The following NXPE1 variants were observed in gnomAD, a reference collection of about 807,000 sequenced individuals.
NXPE1 encodes NXPE family member 1.
NXPE1 carries 31 observed loss-of-function variants against 33.3 expected under a neutral mutation model. That is an observed-to-expected ratio of 0.93 (90% confidence interval 0.70 to 1.26). The LOEUF (loss-of-function observed/expected upper bound fraction) is 1.26. NXPE1 is among the 50% of genes most tolerant of loss of function. The probability of loss-of-function intolerance (pLI) is 0.00; values close to 1 mark genes in which losing one functional copy is unlikely to be tolerated. For missense variants in NXPE1, 661 were observed against 655.6 expected (o/e 1.01, Z -0.09); for synonymous variants, 229 against 231.4 (o/e 0.99, Z 0.09).
chr11:114,546,853 G>A lies in NXPE1; in HGVS notation c.99+4250C>T, dbSNP rs190338664. ...AAACAAAGGAACACAGGAACCAATG[G>A]AAAGAGCTCTCAATGGCCAAAGTAG... On this transcript the variant is annotated intron_variant, in intron 5 of 8. Transcript: ENST00000534921. 2.8e-3 allele frequency among the ~76,000 whole-genome samples: 433 copies of A among 152,274 alleles called. 5 individuals carry two copies. Among genetic ancestry groups the A allele is most frequent in the African/African-American group, 9.4e-3 (389 of 41,554 alleles).
At chr11:114,524,878 A>G (rs1010189825) in intron 7 of NXPE1, among the ~76,000 whole-genome samples, 2 of 152,212 alleles carry the variant, frequency 1.3e-5, no homozygotes, top group African/African-American at 4.8e-5. Flanking sequence ...GGGTAATAAT[A>G]TCAGGATTCT....
intron 5 of NXPE1, among the ~76,000 whole-genome samples, chr11:114,541,393 G>A (rs1260432461): frequency 1.3e-5 from 2 of 152,226 alleles, no homozygotes; most frequent in Admixed American, 6.5e-5. Flanking sequence ...ATGTTGTAAT[G>A]AATGGAAAGA....
chr11:114,521,594 T>A (rs1947212547), downstream of NXPE1: 1 of 172,742 alleles, frequency 5.8e-6, no homozygotes, highest in Non-Finnish European at 1.2e-5. Context: ...TCGGAGTGAT[T>A]ATTGCTAATG....
rs1947548787 is a variant in NXPE1 at position 114,530,725 on chromosome 11, TG to T, written c.282del (p.Thr95ProfsTer30). 2.5e-6 allele frequency: 4 copies of T among 1,614,046 alleles called. No individual in the cohort carries two copies. In the African/African-American group the frequency reaches 5.3e-5, roughly 22 times the overall value. Reference sequence around the variant, plus strand: ...GCTGTGCTGTGTGTGGCACTGGTGGTGGTGTTCACATGGGTGAAAGGTCTGG... The same window carrying T: ...GCTGTGCTGTGTGTGGCACTGGTGGTGTGTTCACATGGGTGAAAGGTCTGG... On this transcript the variant is annotated frameshift_variant, in exon 6 of 9. Coordinates refer to ENST00000534921, the Ensembl canonical transcript of NXPE1. LOFTEE classifies it high-confidence loss of function.
At position 114,546,936 on chromosome 11, in the gene NXPE1, A is replaced by T. The variant is rs141742486; in HGVS notation, c.99+4167T>A. Among the ~76,000 whole-genome samples, 836 of 152,318 alleles carry T rather than the reference A, an allele frequency of 5.5e-3. 10 individuals are homozygous for T. The highest frequency in any genetic ancestry group is 0.018 in the African/African-American group (759 of 41,562). On this transcript the variant is annotated intron_variant, in intron 5 of 8. Coordinates refer to ENST00000534921, the Ensembl canonical transcript of NXPE1. The stretch of plus-strand genomic sequence containing the variant: ...GATTATGTCCCAAAGTATGAAATAA[A>T]TATCTATGAATTCACACTGATGTAA...
intron 5 of NXPE1, among the ~76,000 whole-genome samples, chr11:114,542,628 G>A (rs1948138935): frequency 6.6e-6 from 1 of 152,102 alleles, no homozygotes; most frequent in African/African-American, 2.4e-5. Flanking sequence ...GTTATTAACT[G>A]AAGTAAAAGG....
chr11:114,537,082 GT>G (rs1947858506), intron 5 of NXPE1, among the ~76,000 whole-genome samples: 1 of 152,058 alleles, frequency 6.6e-6, no homozygotes, highest in South Asian at 2.1e-4. Context: ...CTTATCCACC[GT>G]GATCAAATGG....
chr11:114,529,845 T>A lies in NXPE1; in HGVS notation c.833+330A>T, dbSNP rs868582967. 1.6e-5 allele frequency: 4 copies of A among 255,836 alleles called. 1 individual carries two copies. The highest frequency in any genetic ancestry group is 2.6e-3 in the Middle Eastern group (2 of 764). 15.8% of individuals were successfully genotyped at this position (255,836 alleles called of 1,614,324 possible). Reference sequence around the variant, plus strand: ...GGGGGGAAATGGATCAACGCAAAGATATTTAAGGGGCAAAATTAACAAAAT... The same window carrying A: ...GGGGGGAAATGGATCAACGCAAAGAAATTTAAGGGGCAAAATTAACAAAAT... On this transcript the variant is annotated intron_variant, in intron 6 of 8. Transcript: ENST00000534921.
chr11:114,523,673 C>T (rs1947283690), intron 7 of NXPE1, among the ~76,000 whole-genome samples: 1 of 152,162 alleles, frequency 6.6e-6, no homozygotes, highest in South Asian at 2.1e-4. Flanking sequence ...GGAAGTTTCA[C>T]TAGAGTTTCA....
At chr11:114,549,467 A>C (rs1237452123) in intron 5 of NXPE1, among the ~76,000 whole-genome samples, 1 of 152,186 alleles carries the variant, frequency 6.6e-6, no homozygotes, top group East Asian at 1.9e-4. Context: ...AATTCTTCAC[A>C]TTAATACAGC....
At chr11:114,533,386 A>T (rs968694558) in intron 5 of NXPE1, among the ~76,000 whole-genome samples, 1 of 152,196 alleles carries the variant, frequency 6.6e-6, no homozygotes, top group Admixed American at 6.5e-5. Context: ...TGATTTCTGA[A>T]TTTCCAACTG....
intron 5 of NXPE1, among the ~76,000 whole-genome samples, chr11:114,549,800 A>T (rs1019587760): frequency 6.6e-6 from 1 of 152,124 alleles, no homozygotes; most frequent in East Asian, 1.9e-4. Context: ...CTTTATTTTC[A>T]GATGCAATTG....
chr11:114,559,069 GAAAT>G (rs1255542069), intron 1 of NXPE1, among the ~76,000 whole-genome samples: 4 of 152,056 alleles, frequency 2.6e-5, no homozygotes, highest in African/African-American at 9.7e-5. Context: ...AGTGAAGAAA[GAAAT>G]AAACATAAAT....
intron 5 of NXPE1, among the ~76,000 whole-genome samples, chr11:114,543,567 G>A (rs1214151913): frequency 6.6e-6 from 1 of 151,688 alleles, no homozygotes; most frequent in Non-Finnish European, 1.5e-5. Flanking sequence ...CCAAATCACT[G>A]TGGCTTACAT....
intron 1 of NXPE1, among the ~76,000 whole-genome samples, chr11:114,559,204 C>G (rs1591314829): frequency 6.6e-6 from 1 of 152,134 alleles, no homozygotes; most frequent in African/African-American, 2.4e-5. Context: ...TTGTTTATGA[C>G]TCATCCTACT....
intron 5 of NXPE1, among the ~76,000 whole-genome samples, chr11:114,545,749 C>T (rs1030660775): frequency 2.1e-4 from 32 of 149,094 alleles, no homozygotes; most frequent in Admixed American, 1.6e-3. Context: ...AGTGCAGTGG[C>T]GTGAACTCAG....
chr11:114,534,275 ACCC>A (rs1437390704), intron 5 of NXPE1, among the ~76,000 whole-genome samples: 1 of 152,108 alleles, frequency 6.6e-6, no homozygotes, highest in Admixed American at 6.6e-5. Context: ...CACACCCAAA[ACCC>A]ATCTGTACAT....
intron 5 of NXPE1, among the ~76,000 whole-genome samples, chr11:114,541,017 CCT>C (rs1303730966): frequency 2.6e-5 from 4 of 151,688 alleles, no homozygotes; most frequent in Non-Finnish European, 5.9e-5. Context: ...CTAGCTGACC[CCT>C]GAGGCACACC....
At chr11:114,534,442 T>C (rs1947715455) in intron 5 of NXPE1, among the ~76,000 whole-genome samples, 1 of 152,174 alleles carries the variant, frequency 6.6e-6, no homozygotes, top group Non-Finnish European at 1.5e-5. Flanking sequence ...GGAGAATGAC[T>C]TTGACGAGTT....
Sources: allele counts gnomAD v4.1 joint callset (sites outside exome capture counted in the v4.1 genomes callset), GRCh38; gene constraint gnomAD v4.1.1; transcripts MANE v1.5; gene names NCBI Gene and HGNC (gene_info 2026-07-23, HGNC 2026-07-21).